CATSPERB: variants seen among roughly 807,000 people sequenced by gnomAD.
CATSPERB encodes the protein cation channel sperm-associated auxiliary subunit beta.
CATSPERB carries 93 observed loss-of-function variants against 128.3 expected under a neutral mutation model. That is an observed-to-expected ratio of 0.72 (90% confidence interval 0.61 to 0.86). The LOEUF (loss-of-function observed/expected upper bound fraction) is 0.86, where lower values mean the gene tolerates loss of function less well. CATSPERB is among the 40% of genes least tolerant of loss of function. CATSPERB has a pLI of 0.00. For synonymous variants in CATSPERB, 381 were observed against 448.8 expected (o/e 0.85, Z 1.91); for missense variants, 1,153 against 1,329.5 (o/e 0.87, Z 2.06).
In CATSPERB at chr14:91,606,006, T is replaced by C. The variant is rs549536758; in HGVS notation, c.2709+2288A>G. 1.4e-4 allele frequency among the ~76,000 whole-genome samples: 22 copies of C among 151,912 alleles called. No individual in the cohort carries two copies. In the East Asian group the frequency reaches 4.3e-3, roughly 29 times the overall value. On this transcript the variant is annotated intron_variant, in intron 22 of 26. Coordinates refer to ENST00000256343, the MANE Select transcript of CATSPERB (RefSeq NM_024764.4). ...GCCTGGCCAACATGGTGAAACCCCG[T>C]CTCTACTAAAAATACAAAAATTAGC...
In CATSPERB at chr14:91,640,242, TTA is replaced by T. The variant is rs1491082329; in HGVS notation, c.1433-994_1433-993del. 6.3e-5 allele frequency among the ~76,000 whole-genome samples: 9 copies of T among 143,014 alleles called. No homozygotes were observed. In the East Asian group the frequency reaches 1.8e-3, roughly 28 times the overall value. The allele number at this position is 143,014 out of a possible 152,430, so 93.8% of individuals were successfully genotyped here. A position where few individuals can be genotyped will look rare whatever the true frequency, so the allele number is the denominator to read the frequency against. ...CCCAAAAACCTCAATGTCATTCTTT[TTA>T]TTTTTTTATTTTTTTTTTATTTAAG... is the stretch of plus-strand genomic sequence containing the variant. On this transcript the variant is annotated intron_variant, in intron 15 of 26. Transcript: ENST00000256343.
intron 22 of CATSPERB, among the ~76,000 whole-genome samples, chr14:91,601,638 T>C (rs1269422779): frequency 1.3e-5 from 2 of 152,130 alleles, no homozygotes; most frequent in African/African-American, 2.4e-5. Context: ...TAGAGGATAA[T>C]AATATCTTCC....
intron 13 of CATSPERB, among the ~76,000 whole-genome samples, chr14:91,672,472 A>C (rs1895114902): frequency 6.6e-6 from 1 of 152,194 alleles, no homozygotes; most frequent in African/African-American, 2.4e-5. Flanking sequence ...AATGGCTCTA[A>C]GAAGAATTCT....
chr14:91,605,946 C>A (rs138538627), intron 22 of CATSPERB, among the ~76,000 whole-genome samples: 2 of 152,096 alleles, frequency 1.3e-5, no homozygotes, highest in Non-Finnish European at 2.9e-5. Flanking sequence ...GAGGCCGAGG[C>A]GGGCGGATCC....
intron 16 of CATSPERB, 94 bp downstream of exon 16, chr14:91,639,002 G>T: frequency 8.6e-7 from 1 of 1,160,698 alleles, no homozygotes; most frequent in Non-Finnish European, 1.2e-6. Context: ...TTGTCCCAAG[G>T]AAAATACTTT....
chr14:91,714,503 A>G (rs1444202442), intron 5 of CATSPERB, among the ~76,000 whole-genome samples: 1 of 151,858 alleles, frequency 6.6e-6, no homozygotes, highest in Non-Finnish European at 1.5e-5. Context: ...AACAATTGGA[A>G]ATCAAAATAT....
At chr14:91,721,137 T>G (rs552890428) in intron 4 of CATSPERB, among the ~76,000 whole-genome samples, 1 of 152,098 alleles carries the variant, frequency 6.6e-6, no homozygotes, top group Non-Finnish European at 1.5e-5. Context: ...GAAGAAAACA[T>G]GTGGGATAAA....
intron 17 of CATSPERB, among the ~76,000 whole-genome samples, chr14:91,628,314 T>C (rs1374415303): frequency 6.6e-6 from 1 of 152,180 alleles, no homozygotes; most frequent in Non-Finnish European, 1.5e-5. Context: ...AAATCTCTAA[T>C]AATATAACAA....
chr14:91,672,792 G>A, intron 13 of CATSPERB, 75 bp downstream of exon 13: 4 of 1,227,912 alleles, frequency 3.3e-6, no homozygotes, highest in Non-Finnish European at 3.3e-6. Context: ...ACAAGAACTT[G>A]AAAATAACTT....
chr14:91,625,114 A>T (rs889992725), intron 17 of CATSPERB, 107 bp from the exon 18 acceptor site: 8 of 645,902 alleles, frequency 1.2e-5, no homozygotes, highest in Non-Finnish European at 2.0e-5. Context: ...ATAACTAACA[A>T]ATATTTGATT....
intron 20 of CATSPERB, among the ~76,000 whole-genome samples, chr14:91,615,181 C>T (rs908849807): frequency 2.4e-4 from 36 of 152,146 alleles, no homozygotes; most frequent in East Asian, 1.9e-4. Flanking sequence ...AGGTGAGTGG[C>T]AGAGAAGCAT....
intron 10 of CATSPERB, among the ~76,000 whole-genome samples, chr14:91,689,525 A>T (rs565447084): frequency 1.1e-3 from 163 of 152,272 alleles, no homozygotes; most frequent in African/African-American, 3.9e-3. Flanking sequence ...ATTCTTCTTT[A>T]GGTGTAACTT....
At chr14:91,582,779 C>T (rs1460704916) in intron 26 of CATSPERB, among the ~76,000 whole-genome samples, 2 of 152,186 alleles carry the variant, frequency 1.3e-5, no homozygotes, top group Non-Finnish European at 2.9e-5. Flanking sequence ...CACCCTACGT[C>T]CCCTGTCTGC....
At chr14:91,648,247 ATCTT>A (rs1291492617) in intron 15 of CATSPERB, among the ~76,000 whole-genome samples, 3 of 152,194 alleles carry the variant, frequency 2.0e-5, no homozygotes, top group Non-Finnish European at 2.9e-5. Context: ...TCCCCATATG[ATCTT>A]TCTAAAATAC....
At chr14:91,604,515 C>A in intron 22 of CATSPERB, 2 of 1,603,914 alleles carry the variant, frequency 1.2e-6, no homozygotes, top group Non-Finnish European at 1.7e-6. Context: ...TCCCCAGCAG[C>A]TTCCAAGGCA....
At chr14:91,622,286 A>G (rs1482707182) in intron 18 of CATSPERB, among the ~76,000 whole-genome samples, 1 of 152,206 alleles carries the variant, frequency 6.6e-6, no homozygotes, top group Admixed American at 6.5e-5. Flanking sequence ...AGAGAAGGAT[A>G]ATGTAGCCAG....
intron 15 of CATSPERB, among the ~76,000 whole-genome samples, chr14:91,652,526 C>T (rs191572899): frequency 0.021 from 3,105 of 149,856 alleles, 49 homozygotes; most frequent in Middle Eastern, 0.035. Flanking sequence ...AAAAAATTAG[C>T]TGGGCATGGT....
intron 4 of CATSPERB, 45 bp downstream of exon 4, chr14:91,723,004 C>G: frequency 7.3e-7 from 1 of 1,375,844 alleles, no homozygotes; most frequent in South Asian, 1.9e-5. Context: ...GAAGAGTATG[C>G]TTCTTGTTAA....
chr14:91,621,968 A>C, intron 18 of CATSPERB, 31 bp from the exon 19 acceptor site: 4 of 1,436,106 alleles, frequency 2.8e-6, no homozygotes, highest in African/African-American at 2.9e-5. Context: ...ACTTGGTATT[A>C]AATCAAACAT....
Sources: gnomAD v4.1 joint callset for allele counts (sites outside exome capture counted in the v4.1 genomes callset) on GRCh38, gnomAD v4.1.1 for gene constraint, MANE v1.5 for transcripts, NCBI Gene and HGNC (gene_info 2026-07-23, HGNC 2026-07-21) for gene names.